Variants in FXR1 observed in about 807,000 individuals in gnomAD.
FXR1 encodes the protein FMR1 autosomal homolog 1, also known as RNA-binding protein FXR1.
Under a neutral mutation model 84.0 loss-of-function variants are expected in FXR1, and 15 were observed. The ratio of observed to expected loss-of-function variants is 0.18; its 90% CI spans 0.12 to 0.27. FXR1 has a LOEUF of 0.27. Ranked by LOEUF, FXR1 falls within the 10% of genes least tolerant of loss-of-function variation. FXR1 has a pLI of 1.00. For missense variants in FXR1, 480 were observed against 774.4 expected (o/e 0.62, Z 4.51); for synonymous variants, 245 against 250.7 (o/e 0.98, Z 0.21).
At chr3:180,930,109 A>G (rs1215423790) in intron 1 of FXR1, among the ~76,000 whole-genome samples, 1 of 152,096 alleles carries the variant, frequency 6.6e-6, no homozygotes, top group Non-Finnish European at 1.5e-5. Context: ...CTAAATATAC[A>G]AAAATTAGCT....
rs1009947742 is a variant in FXR1, at chr3:180,935,016, A to G, written c.105-122A>G. 3 of 565,302 alleles carry G rather than the reference A, an allele frequency of 5.3e-6. No individual in the cohort carries two copies. The African/African-American group carries it at 5.7e-5, about 11-fold the overall frequency. The allele number at this position is 565,302 out of a possible 1,614,324, so 35.0% of individuals were successfully genotyped here. A position where few individuals can be genotyped will look rare whatever the true frequency, so the allele number is the denominator to read the frequency against. The stretch of plus-strand genomic sequence containing the variant: ...AATTTCTTGGGAAATTATTAATAGT[A>G]TGAATGTTGTTTTCCTTCTCTTTAG... On this transcript the variant is annotated intron_variant, in intron 2 of 16. Coordinates refer to ENST00000357559, the MANE Select transcript of FXR1 (RefSeq NM_005087.4).
rs776849219 is a variant in FXR1 at position 180,976,301 on chromosome 3, A to T, written c.*9A>T. On this transcript the variant is annotated 3_prime_UTR_variant, in exon 17 of 17. Transcript: ENST00000357559. ...TGAATGGTGTTTCATAAACTGAAGA[A>T]GTTCCTAGTTTACAGTTCTTTTACA... 6.4e-7 allele frequency: 1 copy of T among 1,557,146 alleles called. No individual in the cohort carries two copies. The highest frequency in any genetic ancestry group is 8.7e-7 in the Non-Finnish European group (1 of 1,147,114).
At chr3:180,927,735 G>A (rs545519313) in intron 1 of FXR1, 15 of 442,238 alleles carry the variant, frequency 3.4e-5, no homozygotes, top group African/African-American at 1.0e-4. Flanking sequence ...GAAAAGCGAA[G>A]TTCAGAACAA....
In FXR1 at chr3:180,942,377, CAAAAAAAAAAAAAAAA is replaced by C. The variant is rs765066164; in HGVS notation, c.199-5475_199-5460del. 2.9e-3 allele frequency among the ~76,000 whole-genome samples: 89 copies of C among 31,128 alleles called. 1 individual carries two copies. Among genetic ancestry groups the C allele is most frequent in the African/African-American group, 8.7e-3 (76 of 8,708 alleles). 20.4% of individuals were successfully genotyped at this position (31,128 alleles called of 152,430 possible). A position where few individuals can be genotyped will look rare whatever the true frequency, so the allele number is the denominator to read the frequency against. ...TGGGCGACAGAGCGAGACTCCGTCTCAAAAAAAAAAAAAAAAAAAAAAAAAAAAGGCATAGGTTGAA... is the reference window on the plus strand; with the variant it reads ...TGGGCGACAGAGCGAGACTCCGTCTCAAAAAAAAAAAAGGCATAGGTTGAA... On this transcript the variant is annotated intron_variant, in intron 3 of 16. Transcript: ENST00000357559.
rs538492410 is a variant in FXR1 at position 180,978,220 on chromosome 3, G to A, written c.*1928G>A. ...AAGACTTTTCATTTTCTCCCACATA[G>A]AATAGTCAGATATATTAAACATCCC... is the stretch of plus-strand genomic sequence containing the variant. On this transcript the variant is annotated 3_prime_UTR_variant, in exon 17 of 17. Coordinates refer to ENST00000357559, the MANE Select transcript of FXR1 (RefSeq NM_005087.4). 4.7e-5 allele frequency: 7 copies of A among 149,002 alleles called. No individual in the cohort carries two copies. Among genetic ancestry groups the A allele is most frequent in the Middle Eastern group, 3.6e-3 (1 of 280 alleles). 9.2% of individuals were successfully genotyped at this position (149,002 alleles called of 1,614,324 possible). A position where few individuals can be genotyped will look rare whatever the true frequency, so the allele number is the denominator to read the frequency against.
At chr3:180,946,872 A>G (rs1340154605) in intron 3 of FXR1, among the ~76,000 whole-genome samples, 1 of 152,100 alleles carries the variant, frequency 6.6e-6, no homozygotes, top group Non-Finnish European at 1.5e-5. Context: ...ATTGGTTTTT[A>G]GTTTCTTCTC....
intron 1 of FXR1, among the ~76,000 whole-genome samples, chr3:180,932,749 G>C (rs1720083801): frequency 6.6e-6 from 1 of 152,130 alleles, no homozygotes; most frequent in South Asian, 2.1e-4. Context: ...TAAGTTAATG[G>C]CAAAGATAGT....
In FXR1 at chr3:180,970,155, T is replaced by C; in HGVS notation, c.1403-3T>C. 8 of 1,545,394 alleles carry C rather than the reference T, an allele frequency of 5.2e-6. No individual in the cohort carries two copies. Among genetic ancestry groups the C allele is most frequent in the Non-Finnish European group, 7.2e-6 (8 of 1,118,440 alleles). On this transcript the variant is annotated splice_polypyrimidine_tract_variant and splice_region_variant and intron_variant, in intron 14 of 16. Transcript: ENST00000357559. Reference sequence around the variant, plus strand: ...ATATTTCTTGCCTCTGACATGAATATAGTGCTCAAAGATCCAGACAGCAAT... The same window carrying C: ...ATATTTCTTGCCTCTGACATGAATACAGTGCTCAAAGATCCAGACAGCAAT...
At chr3:180,943,214 G>A (rs1417735099) in intron 3 of FXR1, among the ~76,000 whole-genome samples, 5 of 145,324 alleles carry the variant, frequency 3.4e-5, no homozygotes, top group Admixed American at 1.4e-4. Context: ...TGATCCACCC[G>A]CCTTGGCATC....
chr3:180,934,781 G>A (rs1303755368), intron 2 of FXR1, among the ~76,000 whole-genome samples: 3 of 152,092 alleles, frequency 2.0e-5, no homozygotes, highest in Non-Finnish European at 4.4e-5. Flanking sequence ...TATTTATTGG[G>A]CAGCTGTCCG....
intron 3 of FXR1, among the ~76,000 whole-genome samples, chr3:180,941,075 A>G (rs1805593): frequency 3.9e-5 from 6 of 152,098 alleles, no homozygotes; most frequent in Non-Finnish European, 7.4e-5. Context: ...ATATCTATAT[A>G]TTATATTAAA....
rs1381165856 is a variant in FXR1 at position 180,951,247 on chromosome 3, A to G, written c.631-51A>G. 35 of 1,175,570 alleles carry G rather than the reference A, an allele frequency of 3.0e-5. No homozygotes were observed. In the Admixed American group the frequency reaches 5.7e-4, roughly 19 times the overall value. 72.8% of individuals were successfully genotyped at this position (1,175,570 alleles called of 1,614,324 possible). On this transcript the variant is annotated intron_variant, in intron 7 of 16. Transcript: ENST00000357559. ...GGAAAAAAACCAAACCATACAAAAA[A>G]GCCATTTTGTATTTTGATCTTTTAT...
At chr3:180,961,412 G>A in intron 10 of FXR1, 56 bp from the exon 11 acceptor site, 1 of 808,944 alleles carries the variant, frequency 1.2e-6, no homozygotes, top group Non-Finnish European at 2.1e-6. Context: ...GTCACTTTTA[G>A]GCTAGAACTT....
At chr3:180,974,934 T>G (rs1408307555) in intron 15 of FXR1, among the ~76,000 whole-genome samples, 1 of 85,354 alleles carries the variant, frequency 1.2e-5, no homozygotes, top group Non-Finnish European at 2.1e-5. Context: ...ATTTGCCCCA[T>G]TCCCCCCTCC....
At chr3:180,948,988 C>T (rs2108466081) in intron 6 of FXR1, among the ~76,000 whole-genome samples, 174 bp downstream of exon 6, 1 of 152,272 alleles carries the variant, frequency 6.6e-6, no homozygotes, top group South Asian at 2.1e-4. Context: ...TTCTTAACAT[C>T]ATAAAATTCT....
At chr3:180,954,738 C>G (rs995472055) in intron 9 of FXR1, among the ~76,000 whole-genome samples, 2 of 152,020 alleles carry the variant, frequency 1.3e-5, no homozygotes, top group African/African-American at 4.8e-5. Context: ...GAAATACTTT[C>G]AGCTTCTTGG....
chr3:180,955,069 A>G (rs1225458359), intron 9 of FXR1, among the ~76,000 whole-genome samples: 5 of 147,894 alleles, frequency 3.4e-5, no homozygotes, highest in Non-Finnish European at 7.4e-5. Context: ...ATCTCGGCTC[A>G]CTGCAACCTC....
At chr3:180,948,520 A>G (rs1553774085) in intron 5 of FXR1, 25 bp downstream of exon 5, 2 of 1,513,982 alleles carry the variant, frequency 1.3e-6, no homozygotes, top group Admixed American at 1.8e-5. Flanking sequence ...ATACTATTGA[A>G]TTGTTCTGTG....
chr3:180,927,720 G>A (rs1348858777), intron 1 of FXR1: 1 of 451,570 alleles, frequency 2.2e-6, no homozygotes, highest in Middle Eastern at 3.0e-4. Context: ...GACACAAACT[G>A]AAGAGAAAAG....
Sources: gnomAD v4.1 joint callset for allele counts (sites outside exome capture counted in the v4.1 genomes callset) on GRCh38, gnomAD v4.1.1 for gene constraint, MANE v1.5 for transcripts, NCBI Gene and HGNC (gene_info 2026-07-23, HGNC 2026-07-21) for gene names.